The following NUP160 variants were observed in gnomAD, a reference collection of about 807,000 sequenced individuals.
NUP160 encodes the protein nuclear pore complex protein Nup160.
In NUP160, 94 loss-of-function variants were observed where a neutral mutation model predicts 196.9. That is an observed-to-expected ratio of 0.48 (90% CI 0.40 to 0.57). The LOEUF is 0.57. Ranked by LOEUF, NUP160 falls within the 20% of genes least tolerant of loss-of-function variation. The pLI is 0.00. For missense variants in NUP160, 1,638 were observed against 1,748.3 expected (o/e 0.94, Z 1.13); for synonymous variants, 605 against 619.7 (o/e 0.98, Z 0.35).
chr11:47,787,428 CTTTTTT>C (rs145162308), intron 31 of NUP160, among the ~76,000 whole-genome samples: 15 of 130,064 alleles, frequency 1.2e-4, no homozygotes, highest in Admixed American at 3.2e-4. Flanking sequence ...AATTCACAAA[CTTTTTT>C]TTTTTTTTTT....
intron 18 of NUP160, 109 bp from the exon 19 acceptor site, chr11:47,807,249 A>G: frequency 2.9e-6 from 2 of 689,272 alleles, no homozygotes; most frequent in Non-Finnish European, 2.5e-6. Context: ...AATTGCACAT[A>G]AAAGCTCCAC....
At chr11:47,837,294 A>G (rs1852195896) in intron 5 of NUP160, among the ~76,000 whole-genome samples, 1 of 152,158 alleles carries the variant, frequency 6.6e-6, no homozygotes, top group African/African-American at 2.4e-5. Context: ...GATTTGGGTA[A>G]GTCGGGGCAG....
At chr11:47,788,149 GA>G in intron 31 of NUP160, 32 bp downstream of exon 31, 1 of 1,572,480 alleles carries the variant, frequency 6.4e-7, no homozygotes, top group South Asian at 1.1e-5. Context: ...ATTTGCATTA[GA>G]AAAGACTATA....
At chr11:47,812,743 T>C (rs764152897) in intron 15 of NUP160, 139 bp downstream of exon 15, 104 of 649,826 alleles carry the variant, frequency 1.6e-4, no homozygotes, top group Non-Finnish European at 2.5e-4. Flanking sequence ...AGTAGAAATA[T>C]GTACTTAGAA....
chr11:47,828,979 A>G (rs956515738), intron 7 of NUP160, among the ~76,000 whole-genome samples: 10 of 152,348 alleles, frequency 6.6e-5, no homozygotes, highest in African/African-American at 2.4e-4. Flanking sequence ...ATAAAAGCTA[A>G]AAGTATAAAA....
chr11:47,826,303 T>C (rs187532764), intron 7 of NUP160, among the ~76,000 whole-genome samples: 2 of 152,206 alleles, frequency 1.3e-5, no homozygotes, highest in Admixed American at 1.3e-4. Context: ...AAAAAAGAAA[T>C]AAAATACTAT....
intron 5 of NUP160, among the ~76,000 whole-genome samples, 181 bp downstream of exon 5, chr11:47,837,364 A>G (rs945646416): frequency 3.9e-5 from 6 of 152,192 alleles, no homozygotes; most frequent in Admixed American, 2.6e-4. Context: ...CAAGGCATCC[A>G]ATTGCAGATG....
At position 47,847,831 on chromosome 11, in the gene NUP160, C is replaced by A. The variant is rs74960590; in HGVS notation, c.314+17G>T. ...AACCCTACCTTCCAGGGGAGTTTGG[C>A]GAACCACAACACTTACCAATGAATG... On this transcript the variant is annotated intron_variant, in intron 2 of 35. Transcript: ENST00000378460. The A allele has an allele frequency of 1.3e-3, 2,099 of 1,578,868 alleles. 19 individuals are homozygous for A. The African/African-American group carries it at 0.023, about 17-fold the overall frequency.
At chr11:47,830,285 T>C (rs1181556699) in intron 7 of NUP160, among the ~76,000 whole-genome samples, 1 of 152,202 alleles carries the variant, frequency 6.6e-6, no homozygotes, top group East Asian at 1.9e-4. Context: ...CTTCAACCAT[T>C]GTGGAAAGCA....
chr11:47,837,516 C>T (rs906539707), intron 5 of NUP160, 29 bp downstream of exon 5: 5 of 1,590,944 alleles, frequency 3.1e-6, no homozygotes, highest in Admixed American at 1.7e-5. Context: ...TTCTTGGGCC[C>T]TTTGATTTAC....
intron 2 of NUP160, 78 bp from the exon 3 acceptor site, chr11:47,840,666 G>T: frequency 1.7e-6 from 2 of 1,191,254 alleles, no homozygotes; most frequent in Non-Finnish European, 1.2e-6. Flanking sequence ...TGAGAACAGT[G>T]TCCAAGTGAA....
rs377383850 is a variant in NUP160 at position 47,780,401 on chromosome 11, G to A, written c.4163C>T (p.Ser1388Phe). 1.1e-5 allele frequency: 18 copies of A among 1,613,794 alleles called. No homozygotes were observed. Among genetic ancestry groups the A allele is most frequent in the Non-Finnish European group, 1.5e-5 (18 of 1,179,840 alleles). The change falls in exon 35 of 36, where the codon TCT becomes TTT. Residue 1388 changes from serine (S) to phenylalanine (F), a missense_variant. By Grantham distance (155) the Ser-to-Phe change is radical. This residue lies in a region of NUP160 where 1,345 missense variants were observed against 1,470.2 expected (regional missense o/e 0.91). Transcript: ENST00000378460. ...CAGAGCTTGGAGAAGCTGATCAATA[G>A]AGGAGTATGGAAGCCACACCATTGG...
chr11:47,786,649 C>T, intron 31 of NUP160, 95 bp from the exon 32 acceptor site: 3 of 756,820 alleles, frequency 4.0e-6, no homozygotes, highest in Middle Eastern at 2.3e-4. Context: ...ACAACTTCAT[C>T]TCTAGTCTTT....
exon 21 of NUP160, chr11:47,804,585 T>C (rs370894231): frequency 1.1e-5 from 17 of 1,534,560 alleles, no homozygotes; most frequent in Non-Finnish European, 1.5e-5. Flanking sequence ...CCATCAAACA[T>C]TCTAGAAAGA....
intron 29 of NUP160, among the ~76,000 whole-genome samples, chr11:47,788,876 CTT>C (rs576717550): frequency 2.1e-4 from 29 of 140,952 alleles, no homozygotes; most frequent in Admixed American, 1.0e-3. Context: ...ACTCTTTAAA[CTT>C]TTTTTTTTTT....
chr11:47,806,852 C>CACACACACACACAT (rs1428564239), intron 19 of NUP160, among the ~76,000 whole-genome samples: 13 of 124,334 alleles, frequency 1.0e-4, no homozygotes, highest in African/African-American at 1.9e-4. Flanking sequence ...CACACACACA[C>CACACACACACACAT]ATATATATAC....
At chr11:47,843,879 G>C (rs1486993897) in intron 2 of NUP160, among the ~76,000 whole-genome samples, 1 of 152,106 alleles carries the variant, frequency 6.6e-6, no homozygotes, top group Non-Finnish European at 1.5e-5. Context: ...CTCAACTCCT[G>C]ACTACTGTCT....
intron 9 of NUP160, 84 bp from the exon 10 acceptor site, chr11:47,819,542 G>A (rs1230296143): frequency 1.1e-5 from 9 of 855,138 alleles, no homozygotes; most frequent in Non-Finnish European, 1.7e-5. Context: ...TGGGCAGGGA[G>A]GACCCCATCA....
At chr11:47,840,534 C>A in exon 3 of NUP160, 1 of 1,613,876 alleles carries the variant, frequency 6.2e-7, no homozygotes, top group Non-Finnish European at 8.5e-7. Flanking sequence ...CATTATTCAA[C>A]AGATTTATGT....
Sources: gnomAD v4.1 joint callset for allele counts (sites outside exome capture counted in the v4.1 genomes callset) on GRCh38, gnomAD v4.1.1 for gene constraint, gnomAD v4.1.1 regional missense constraint, MANE v1.5 for transcripts, NCBI Gene and HGNC (gene_info 2026-07-23, HGNC 2026-07-21) for gene names.